Variants in FYB1 observed in about 807,000 individuals in gnomAD.
FYB1 encodes the protein FYN binding protein 1.
Under a neutral mutation model 94.1 loss-of-function variants are expected in FYB1, and 41 were observed. The ratio of observed to expected loss-of-function variants is 0.44; its 90% CI spans 0.34 to 0.57. FYB1 has a LOEUF of 0.57. FYB1 is among the 20% of genes least tolerant of loss of function. The probability of loss-of-function intolerance (pLI) is 0.02; values close to 1 mark genes in which losing one functional copy is unlikely to be tolerated. For missense variants in FYB1, 1,050 were observed against 976.8 expected, an observed-to-expected ratio of 1.07 and a Z score of -1.00; for synonymous variants, 367 against 353.2, an observed-to-expected ratio of 1.04 and a Z score of -0.44.
At chr5:39,188,386 G>A (rs1412596401) in intron 2 of FYB1, among the ~76,000 whole-genome samples, 1 of 151,822 alleles carries the variant, frequency 6.6e-6, no homozygotes, top group Non-Finnish European at 1.5e-5. Context: ...TAGTATCTTG[G>A]TTCAGTGTTA....
chr5:39,142,941 T>C (rs1384183301), intron 3 of FYB1, among the ~76,000 whole-genome samples: 1 of 152,228 alleles, frequency 6.6e-6, no homozygotes, highest in Admixed American at 6.5e-5. Flanking sequence ...CTTGTCTCTC[T>C]GGCTACTACC....
At chr5:39,190,768 T>TTTTGTGTGTG (rs1554035736) in intron 2 of FYB1, among the ~76,000 whole-genome samples, 4 of 146,454 alleles carry the variant, frequency 2.7e-5, no homozygotes, top group Non-Finnish European at 6.0e-5. Context: ...CCATGCTTAT[T>TTTTGTGTGTG]TGTGTGTGTG....
intron 1 of FYB1, among the ~76,000 whole-genome samples, chr5:39,273,502 A>C (rs1266117239): frequency 3.3e-5 from 5 of 152,226 alleles, no homozygotes; most frequent in Non-Finnish European, 7.3e-5. Flanking sequence ...GGAAGATGAA[A>C]CAGGAAATGC....
At chr5:39,262,453 C>CAAATGAA in intron 1 of FYB1, among the ~76,000 whole-genome samples, 1 of 152,218 alleles carries the variant, frequency 6.6e-6, no homozygotes, top group South Asian at 2.1e-4. Context: ...TACAGTTTTA[C>CAAATGAA]GTGTAACAAA....
intron 2 of FYB1, among the ~76,000 whole-genome samples, chr5:39,193,531 G>A (rs260335): frequency 0.92 from 139,558 of 152,220 alleles, 64,719 homozygotes; most frequent in Non-Finnish European, 0.99. Flanking sequence ...CACCGGAGGA[G>A]AGCTAACCTT....
chr5:39,223,906 C>A (rs1480803381), upstream of FYB1, among the ~76,000 whole-genome samples: 1 of 152,138 alleles, frequency 6.6e-6, no homozygotes, highest in Non-Finnish European at 1.5e-5. Flanking sequence ...TCTACTGTCC[C>A]TATCTCATCC....
chr5:39,167,254 G>GTT (rs1744821785), intron 2 of FYB1, among the ~76,000 whole-genome samples: 1 of 151,430 alleles, frequency 6.6e-6, no homozygotes, highest in South Asian at 2.1e-4. Context: ...ATCTTGGGTA[G>GTT]TTCTCTCTCT....
chr5:39,254,028 T>TC (rs1751838174), intron 1 of FYB1, among the ~76,000 whole-genome samples: 1 of 152,206 alleles, frequency 6.6e-6, no homozygotes, highest in African/African-American at 2.4e-5. Context: ...ATGATCTCAT[T>TC]ATTTTTTATG....
At chr5:39,148,163 AT>A (rs1742892796) in intron 3 of FYB1, among the ~76,000 whole-genome samples, 3 of 9,004 alleles carry the variant, frequency 3.3e-4, no homozygotes, top group Admixed American at 2.0e-3. Flanking sequence ...TTTTATATAT[AT>A]ATATATATAT....
chr5:39,112,745 T>C (rs1739183757), intron 16 of FYB1, among the ~76,000 whole-genome samples: 1 of 152,032 alleles, frequency 6.6e-6, no homozygotes. Context: ...TACAAATTAC[T>C]TATAAAAAAC....
At chr5:39,238,767 A>G (rs1484089548) in intron 1 of FYB1, among the ~76,000 whole-genome samples, 1 of 152,118 alleles carries the variant, frequency 6.6e-6, no homozygotes, top group Non-Finnish European at 1.5e-5. Flanking sequence ...GATTAAGCCT[A>G]AAGGAAAGCC....
intron 1 of FYB1, among the ~76,000 whole-genome samples, chr5:39,215,101 A>G (rs1410354084): frequency 1.3e-5 from 2 of 152,206 alleles, no homozygotes; most frequent in Admixed American, 6.5e-5. Context: ...TCCTGAAATC[A>G]ATAGTGGCAA....
At chr5:39,251,065 A>T (rs1751691973) in intron 1 of FYB1, among the ~76,000 whole-genome samples, 1 of 152,196 alleles carries the variant, frequency 6.6e-6, no homozygotes, top group Non-Finnish European at 1.5e-5. Flanking sequence ...GGATGATTAT[A>T]TTAGGAGAAT....
At position 39,240,290 on chromosome 5, in the gene FYB1, A is replaced by G. The variant is rs570042032; in HGVS notation, c.-28+34113T>C. 1.5e-4 allele frequency among the ~76,000 whole-genome samples: 23 copies of G among 152,360 alleles called. No homozygotes were observed. The South Asian group carries it at 4.8e-3, about 32-fold the overall frequency. On this transcript the variant is annotated intron_variant, in intron 1 of 1. Transcript: ENST00000510188. ...AAAGATTTCATGACAAAGATGCCAA[A>G]AGCAACTGCAATAAAACCAAAAATT...
chr5:39,202,648 C>T lies in FYB1; in HGVS notation c.313G>A (p.Ala105Thr). ...PASLTTRDPE[A>T]KVGFLKPVGP... ...ACAGGTTTCAGAAATCCCACTTTCG[C>T]CTCGGGGTCTCTGGTGGTCAAGCTG... Residue 105 changes from alanine (A) to threonine (T), a missense_variant, in exon 2 of 19, where the codon GCG becomes ACG. Coordinates refer to ENST00000512982, the MANE Select transcript of FYB1 (RefSeq NM_001465.6). 6.2e-7 allele frequency: 1 copy of T among 1,613,702 alleles called. No homozygotes were observed. Among genetic ancestry groups the T allele is most frequent in the African/African-American group, 1.3e-5 (1 of 74,918 alleles).
At chr5:39,130,659 G>A in intron 9 of FYB1, 47 bp from the exon 10 acceptor site, 3 of 1,405,878 alleles carry the variant, frequency 2.1e-6, no homozygotes, top group African/African-American at 1.4e-5. Context: ...GAATTACTTA[G>A]CTATGAGGAA....
At chr5:39,190,472 G>A (rs950571201) in intron 2 of FYB1, among the ~76,000 whole-genome samples, 2 of 152,026 alleles carry the variant, frequency 1.3e-5, no homozygotes, top group South Asian at 2.1e-4. Context: ...CCAGCTGGTA[G>A]GTACAGACCT....
At chr5:39,233,736 G>C (rs1434828345) in intron 1 of FYB1, among the ~76,000 whole-genome samples, 2 of 152,080 alleles carry the variant, frequency 1.3e-5, no homozygotes, top group Non-Finnish European at 2.9e-5. Flanking sequence ...GTCTGTTGTG[G>C]CATATTGTTT....
intron 1 of FYB1, among the ~76,000 whole-genome samples, chr5:39,216,507 C>A (rs1447762719): frequency 1.3e-5 from 2 of 152,128 alleles, no homozygotes; most frequent in East Asian, 3.8e-4. Flanking sequence ...CTCAACCCAT[C>A]ACCTAGGTAT....
Sources: gnomAD v4.1 joint callset for allele counts (sites outside exome capture counted in the v4.1 genomes callset) on GRCh38, gnomAD v4.1.1 for gene constraint, MANE v1.5 for transcripts, NCBI Gene and HGNC (gene_info 2026-07-23, HGNC 2026-07-21) for gene names.